DNAH14: variants seen among roughly 807,000 people sequenced by gnomAD.
DNAH14 encodes dynein axonemal heavy chain 14.
DNAH14 carries 478 observed loss-of-function variants against 520.9 expected under a neutral mutation model. The ratio of observed to expected loss-of-function variants is 0.92; its 90% CI spans 0.85 to 0.99. The LOEUF is 0.99. Ranked by LOEUF, DNAH14 falls within the 50% of genes least tolerant of loss-of-function variation. DNAH14 has a pLI of 0.00. For synonymous variants in DNAH14, 1,581 were observed against 1,757.2 expected (o/e 0.90, Z 2.51); for missense variants, 4,831 against 5,234.5 (o/e 0.92, Z 2.38).
chr1:225,087,035 C>CACACAG (rs1491096002), intron 21 of DNAH14, among the ~76,000 whole-genome samples: 3 of 150,336 alleles, frequency 2.0e-5, no homozygotes, highest in Non-Finnish European at 3.0e-5. Flanking sequence ...CACACACACA[C>CACACAG]AGCCTTCTAC....
intron 10 of DNAH14, among the ~76,000 whole-genome samples, chr1:225,008,029 C>T (rs1456345228): frequency 2.0e-5 from 3 of 151,422 alleles, no homozygotes; most frequent in Non-Finnish European, 2.9e-5. Context: ...CACCCATCAA[C>T]CCATCATTTA....
intron 23 of DNAH14, among the ~76,000 whole-genome samples, chr1:225,110,695 A>T (rs1025030864): frequency 7.3e-5 from 11 of 151,178 alleles, no homozygotes; most frequent in Non-Finnish European, 1.5e-4. Context: ...TTCTTCTACT[A>T]ATTTTGAGTT....
intron 68 of DNAH14, 135 bp from the exon 69 acceptor site, chr1:225,340,322 C>A: frequency 1.1e-6 from 1 of 898,874 alleles, no homozygotes; most frequent in Non-Finnish European, 1.6e-6. Context: ...TGAAAGTGTA[C>A]TTTGTATACA....
At chr1:225,094,695 CA>C (rs1167390504) in intron 21 of DNAH14, among the ~76,000 whole-genome samples, 4 of 92,798 alleles carry the variant, frequency 4.3e-5, no homozygotes, top group East Asian at 7.2e-4. Context: ...AACAAACAAA[CA>C]AAAAAACGCT....
intron 36 of DNAH14, 71 bp downstream of exon 36, chr1:225,168,099 AAAT>A (rs1244247616): frequency 5.8e-6 from 5 of 865,748 alleles, no homozygotes; most frequent in East Asian, 5.8e-5. Context: ...TAAAGGGCAA[AAAT>A]AATAATAAAA....
intron 17 of DNAH14, among the ~76,000 whole-genome samples, chr1:225,065,497 C>A (rs2148451835): frequency 6.6e-6 from 1 of 151,670 alleles, no homozygotes; most frequent in East Asian, 1.9e-4. Flanking sequence ...AGGCTTTGCA[C>A]CCTTTGACCA....
At position 225,290,007 on chromosome 1, in the gene DNAH14, TA is replaced by T; in HGVS notation, c.8399del (p.Lys2800ArgfsTer8). 1 of 1,539,642 alleles carries T rather than the reference TA, an allele frequency of 6.5e-7. No homozygotes were observed. The highest frequency in any genetic ancestry group is 2.0e-5 in the Admixed American group (1 of 49,488). ...CCTACATCGAATTCAAAGAAGTCTT[TA>T]AAAAGGTGTTTATTCACGCAGGATT... The part of the protein sequence containing the change: ...CAYIEFKEVF[K>X]KVFIHAGLKG... On this transcript the variant is annotated frameshift_variant, in exon 55 of 86. Transcript: ENST00000682510. LOFTEE classifies it high-confidence loss of function.
intron 3 of DNAH14, among the ~76,000 whole-genome samples, 193 bp from the exon 4 acceptor site, chr1:224,959,960 A>G (rs1325352793): frequency 6.6e-6 from 1 of 152,188 alleles, no homozygotes; most frequent in Non-Finnish European, 1.5e-5. Context: ...CTTACAAAGT[A>G]AATCATGTGA....
In DNAH14 at chr1:225,082,716, G is replaced by A. The variant is rs2073285044; in HGVS notation, c.3304G>A (p.Val1102Ile). The A allele has an allele frequency of 1.3e-6, 2 of 1,548,120 alleles. No homozygotes were observed. The highest frequency in any genetic ancestry group is 2.7e-5 in the African/African-American group (2 of 72,854). ...KSVPLDKNCK[V>I]ENLLALKMFQ... ...AGTTCCGCTTGATAAAAACTGTAAAGTAGAGAATCTTCTAGCTCTCAAGGT... is the reference window on the plus strand; with the variant it reads ...AGTTCCGCTTGATAAAAACTGTAAAATAGAGAATCTTCTAGCTCTCAAGGT... Residue 1102 changes from valine (V) to isoleucine (I), a missense_variant, in exon 20 of 86, where the codon GTA becomes ATA. Transcript: ENST00000682510.
chr1:225,092,075 A>T (rs1229604606), intron 21 of DNAH14, among the ~76,000 whole-genome samples: 1 of 152,164 alleles, frequency 6.6e-6, no homozygotes, highest in Non-Finnish European at 1.5e-5. Context: ...TTTATAAAGC[A>T]AGTTCTTAAA....
intron 15 of DNAH14, among the ~76,000 whole-genome samples, chr1:225,046,999 TTC>T (rs1295449738): frequency 1.3e-5 from 2 of 152,152 alleles, no homozygotes; most frequent in African/African-American, 4.8e-5. Context: ...AATTAACTGT[TTC>T]TCCAAGGAAC....
intron 36 of DNAH14, among the ~76,000 whole-genome samples, chr1:225,169,033 C>G (rs538033116): frequency 7.0e-4 from 107 of 152,216 alleles, no homozygotes; most frequent in Non-Finnish European, 1.0e-3. Flanking sequence ...GATACCCAGA[C>G]AAACAGGGTC....
chr1:225,034,157 C>T (rs1214872499), intron 11 of DNAH14, among the ~76,000 whole-genome samples: 2 of 152,062 alleles, frequency 1.3e-5, no homozygotes, highest in Admixed American at 6.6e-5. Context: ...AAGGGGGATG[C>T]TTCTAGCTTT....
chr1:225,036,071 A>G (rs2066934379), intron 11 of DNAH14, among the ~76,000 whole-genome samples: 1 of 152,182 alleles, frequency 6.6e-6, no homozygotes, highest in South Asian at 2.1e-4. Context: ...GAAACCTGAG[A>G]GGAGCCTTCT....
chr1:225,360,034 T>C (rs1021147378), intron 74 of DNAH14, among the ~76,000 whole-genome samples: 1 of 152,068 alleles, frequency 6.6e-6, no homozygotes, highest in African/African-American at 2.4e-5. Flanking sequence ...TATGTGTTGT[T>C]CCCCCCACGT....
At chr1:225,118,939 T>C (rs1022312699) in intron 25 of DNAH14, among the ~76,000 whole-genome samples, 1 of 151,782 alleles carries the variant, frequency 6.6e-6, no homozygotes, top group Non-Finnish European at 1.5e-5. Context: ...TCCAAAACTG[T>C]TTTATAACAC....
chr1:225,212,455 G>A (rs12089735), intron 41 of DNAH14, among the ~76,000 whole-genome samples: 2,563 of 152,164 alleles, frequency 0.017, 64 homozygotes, highest in East Asian at 0.053. Context: ...GATATTTCTA[G>A]TTCTAGATCC....
rs1432140418 is a variant in DNAH14, at chr1:225,276,971, A to G, written c.8179-439A>G. On this transcript the variant is annotated intron_variant, in intron 53 of 85. Transcript: ENST00000682510. ...GAAGGAAGGAAGGAAGGAAGGAAGG[A>G]AGGAAGGAAGGAAGGGAGGGAGGAA... is the stretch of plus-strand genomic sequence containing the variant. Among the ~76,000 whole-genome samples the G allele has an allele frequency of 3.2e-3, 185 of 57,732 alleles. 2 individuals are homozygous for G. Among genetic ancestry groups the G allele is most frequent in the African/African-American group, 0.014 (172 of 12,342 alleles). 37.9% of individuals were successfully genotyped at this position (57,732 alleles called of 152,430 possible). A position where few individuals can be genotyped will look rare whatever the true frequency, so the allele number is the denominator to read the frequency against.
At chr1:225,003,511 G>A (rs905348268) in intron 9 of DNAH14, among the ~76,000 whole-genome samples, 5 of 151,950 alleles carry the variant, frequency 3.3e-5, no homozygotes, top group African/African-American at 1.2e-4. Flanking sequence ...AATTGTTAAG[G>A]GGCTTAGACA....
Sources: allele counts gnomAD v4.1 joint callset (sites outside exome capture counted in the v4.1 genomes callset), GRCh38; gene constraint gnomAD v4.1.1; transcripts MANE v1.5; gene names NCBI Gene and HGNC (gene_info 2026-07-23, HGNC 2026-07-21).